Variants in INPP4A observed in about 807,000 individuals in gnomAD.
The protein encoded by INPP4A is inositol polyphosphate-4-phosphatase type I A, also known as inositol polyphosphate-4-phosphatase, type I, 107kD.
In INPP4A, 33 loss-of-function variants were observed where a neutral mutation model predicts 119.8. The ratio of observed to expected loss-of-function variants is 0.28; its 90% CI spans 0.21 to 0.37. INPP4A has a LOEUF of 0.37. Among genes scored for constraint, INPP4A ranks in the 10% least tolerant of loss-of-function variants. The pLI, the probability that INPP4A is intolerant of heterozygous loss-of-function variation, is 1.00. For synonymous variants in INPP4A, 496 were observed against 500.7 expected (o/e 0.99, Z 0.12); for missense variants, 956 against 1,289.9 (o/e 0.74, Z 3.97).
chr2:98,463,954 G>A (rs992452023), intron 1 of INPP4A, among the ~76,000 whole-genome samples: 1 of 152,198 alleles, frequency 6.6e-6, no homozygotes, highest in Non-Finnish European at 1.5e-5. Context: ...TAGGGTACAC[G>A]GTCTCCACCC....
chr2:98,568,750 C>T, intron 22 of INPP4A, 82 bp downstream of exon 22: 2 of 758,012 alleles, frequency 2.6e-6, no homozygotes, highest in Non-Finnish European at 4.7e-6. Context: ...CTTGCCCTGC[C>T]TCTGTGAGTG....
rs986933302 is a variant in INPP4A at position 98,529,652 on chromosome 2, C to T, written c.152-3725C>T. ...TCGGGAGGCTGAGGCAGGAGAATGGCGTGAACCCGGGAGGCAGAGCTTGCA... is the reference window on the plus strand; with the variant it reads ...TCGGGAGGCTGAGGCAGGAGAATGGTGTGAACCCGGGAGGCAGAGCTTGCA... On this transcript the variant is annotated intron_variant, in intron 4 of 24. Transcript: ENST00000409851. Among the ~76,000 whole-genome samples, 11 of 152,198 alleles carry T rather than the reference C, an allele frequency of 7.2e-5. No individual in the cohort carries two copies. The East Asian group carries it at 1.2e-3, about 16-fold the overall frequency.
chr2:98,547,633 G>A (rs764924251), intron 13 of INPP4A, among the ~76,000 whole-genome samples: 1 of 152,094 alleles, frequency 6.6e-6, no homozygotes, highest in South Asian at 2.1e-4. Context: ...GGTTTAGGGA[G>A]AATAATTATG....
intron 22 of INPP4A, among the ~76,000 whole-genome samples, chr2:98,572,385 T>G (rs1276218265): frequency 6.6e-6 from 1 of 152,246 alleles, no homozygotes; most frequent in East Asian, 1.9e-4. Flanking sequence ...GGCTGCACTT[T>G]CCTGATCCCT....
chr2:98,536,349 A>G (rs750252004), intron 7 of INPP4A, 141 bp downstream of exon 7: 3 of 622,316 alleles, frequency 4.8e-6, no homozygotes, highest in East Asian at 2.8e-5. Flanking sequence ...TGTGTTGTCT[A>G]TTGAGGCGAA....
At chr2:98,564,584 T>C (rs1240736506) in intron 18 of INPP4A, 56 bp from the exon 19 acceptor site, 2 of 1,608,242 alleles carry the variant, frequency 1.2e-6, no homozygotes, top group Non-Finnish European at 1.7e-6. Flanking sequence ...ATGATCTGAC[T>C]GCCATTTGGT....
intron 4 of INPP4A, among the ~76,000 whole-genome samples, chr2:98,529,961 A>C (rs546956592): frequency 7.9e-5 from 12 of 152,290 alleles, no homozygotes; most frequent in Admixed American, 5.9e-4. Flanking sequence ...CAGATTTGGT[A>C]GTTCTAGTAT....
At chr2:98,574,930 C>T (rs937219355) in intron 23 of INPP4A, among the ~76,000 whole-genome samples, 1 of 152,140 alleles carries the variant, frequency 6.6e-6, no homozygotes, top group Non-Finnish European at 1.5e-5. Flanking sequence ...CTCAGGGTAA[C>T]AAGCATGAGT....
Position 98,549,073 on chromosome 2 carries a change from G to A in INPP4A, c.1163+2379G>A, listed in dbSNP as rs1693010646. 7.8e-6 allele frequency: 8 copies of A among 1,028,144 alleles called. 1 individual carries two copies. The South Asian group carries it at 1.0e-4, about 13-fold the overall frequency. The allele number at this position is 1,028,144 out of a possible 1,614,324, so 63.7% of individuals were successfully genotyped here. Reference sequence around the variant, plus strand: ...TCCTCCTGTGGGCTTCCCCTGCGGTGCTGCCATGGTTCCTAGTTATACACC... The same window carrying A: ...TCCTCCTGTGGGCTTCCCCTGCGGTACTGCCATGGTTCCTAGTTATACACC... On this transcript the variant is annotated intron_variant, in intron 13 of 24. Coordinates refer to ENST00000409851, the MANE Select transcript of INPP4A (RefSeq NM_001134225.2).
intron 1 of INPP4A, among the ~76,000 whole-genome samples, chr2:98,506,261 A>G (rs1684018857): frequency 6.6e-6 from 1 of 152,242 alleles, no homozygotes; most frequent in Middle Eastern, 3.2e-3. Context: ...AGTCGAATTA[A>G]TGTGCTCTGC....
At chr2:98,500,381 C>T (rs1009094689) in intron 1 of INPP4A, among the ~76,000 whole-genome samples, 3 of 152,132 alleles carry the variant, frequency 2.0e-5, no homozygotes, top group African/African-American at 4.8e-5. Flanking sequence ...ATGGAGATGG[C>T]GTGCTGTCCT....
intron 11 of INPP4A, among the ~76,000 whole-genome samples, chr2:98,545,623 A>G (rs953266668): frequency 7.9e-5 from 12 of 152,180 alleles, no homozygotes; most frequent in African/African-American, 2.7e-4. Flanking sequence ...TAGTGCTGAC[A>G]TTGTGCTGCA....
At chr2:98,534,579 A>G (rs1206157201) in intron 5 of INPP4A, among the ~76,000 whole-genome samples, 2 of 152,216 alleles carry the variant, frequency 1.3e-5, no homozygotes, top group Non-Finnish European at 2.9e-5. Flanking sequence ...TGTTGTGGCT[A>G]TGCAAATGTG....
rs1472596347 is a variant in INPP4A at position 98,550,752 on chromosome 2, A to G, written c.1164-2034A>G. ...TTCTTGCCCCTGCCATGTATATCCC[A>G]TGCATAAGTCCCAGGTATCATCATT... On this transcript the variant is annotated intron_variant, in intron 13 of 24. Coordinates refer to ENST00000409851, the MANE Select transcript of INPP4A (RefSeq NM_001134225.2). Among the ~76,000 whole-genome samples the G allele has an allele frequency of 2.6e-5, 4 of 152,270 alleles. No homozygotes were observed. In the East Asian group the frequency reaches 7.7e-4, roughly 29 times the overall value.
intron 1 of INPP4A, among the ~76,000 whole-genome samples, chr2:98,517,431 C>T (rs898440670): frequency 5.3e-5 from 8 of 152,164 alleles, no homozygotes; most frequent in Admixed American, 5.2e-4. Context: ...GTAGAGACGG[C>T]CAGTTTTCCA....
At chr2:98,555,919 G>A in intron 16 of INPP4A, 111 bp downstream of exon 16, 2 of 1,335,102 alleles carry the variant, frequency 1.5e-6, no homozygotes, top group Non-Finnish European at 2.0e-6. Flanking sequence ...ACTGCAGGGA[G>A]GGCTGCCAGG....
chr2:98,537,156 A>G (rs1009464159), intron 7 of INPP4A, among the ~76,000 whole-genome samples: 4 of 152,242 alleles, frequency 2.6e-5, no homozygotes, highest in African/African-American at 9.6e-5. Context: ...GGACAGGGCA[A>G]GGAAATCACA....
At chr2:98,534,005 A>G (rs998650461) in intron 5 of INPP4A, among the ~76,000 whole-genome samples, 1 of 152,266 alleles carries the variant, frequency 6.6e-6, no homozygotes, top group African/African-American at 2.4e-5. Context: ...CTTTTAGATC[A>G]TCAAGCACAT....
chr2:98,531,391 G>A (rs1689184709), intron 4 of INPP4A, among the ~76,000 whole-genome samples: 1 of 152,258 alleles, frequency 6.6e-6, no homozygotes, highest in Admixed American at 6.5e-5. Context: ...AAAAAAATCA[G>A]AGGAGAGTAA....
Sources: allele counts gnomAD v4.1 joint callset (sites outside exome capture counted in the v4.1 genomes callset), GRCh38; gene constraint gnomAD v4.1.1; transcripts MANE v1.5; gene names NCBI Gene and HGNC (gene_info 2026-07-23, HGNC 2026-07-21).